JAG1: variants seen among roughly 807,000 people sequenced by gnomAD.
The protein encoded by JAG1 is protein jagged-1.
In JAG1, 23 loss-of-function variants were observed where a neutral mutation model predicts 148.7. The observed-to-expected ratio is 0.15, with a 90% CI of 0.11 to 0.22. The LOEUF (loss-of-function observed/expected upper bound fraction) is 0.22. Among genes scored for constraint, JAG1 ranks in the 10% least tolerant of loss-of-function variants. The pLI is 1.00. For missense variants in JAG1, 1,054 were observed against 1,611.2 expected, an observed-to-expected ratio of 0.65 and a Z score of 5.92; for synonymous variants, 572 against 598.3, an observed-to-expected ratio of 0.96 and a Z score of 0.64.
At chr20:10,667,329 G>A (rs1202794532) in intron 2 of JAG1, among the ~76,000 whole-genome samples, 1 of 152,222 alleles carries the variant, frequency 6.6e-6, no homozygotes, top group Admixed American at 6.5e-5. Flanking sequence ...CCTGAGCTCT[G>A]CTGACTCAAC....
rs768847875 is a variant in JAG1 at position 10,651,570 on chromosome 20, A to G, written c.1120+11T>C. On this transcript the variant is annotated intron_variant, in intron 8 of 25. Coordinates refer to ENST00000254958, the MANE Select transcript of JAG1 (RefSeq NM_000214.3). ...TCCTTAGAATGGACACAGGCTGAAA[A>G]TTGGACTTACTTGTAGAGCATGTGG... 7.5e-5 allele frequency: 119 copies of G among 1,579,216 alleles called. No homozygotes were observed. The highest frequency in any genetic ancestry group is 9.9e-5 in the Non-Finnish European group (114 of 1,148,510).
At chr20:10,650,509 G>A in intron 8 of JAG1, 149 bp from the exon 9 acceptor site, 1 of 664,520 alleles carries the variant, frequency 1.5e-6, no homozygotes, top group South Asian at 1.6e-5. Context: ...GTGGGACGGT[G>A]ACGATAAGGC....
intron 25 of JAG1, among the ~76,000 whole-genome samples, chr20:10,640,350 C>T (rs1029036182): frequency 1.3e-5 from 2 of 152,250 alleles, no homozygotes; most frequent in East Asian, 3.9e-4. Context: ...TGCCCAATCT[C>T]TCCCTTGGCT....
intron 3 of JAG1, among the ~76,000 whole-genome samples, chr20:10,660,709 G>A (rs1189996140): frequency 2.0e-5 from 3 of 152,162 alleles, no homozygotes; most frequent in East Asian, 1.9e-4. Flanking sequence ...GGAGGGGGTC[G>A]AGCATGTCTG....
chr20:10,658,373 C>T (rs1568800871), intron 4 of JAG1, 95 bp downstream of exon 4: 13 of 1,539,164 alleles, frequency 8.4e-6, no homozygotes, highest in Non-Finnish European at 1.2e-5. Context: ...TCCCACCCCA[C>T]CTGAGATAGC....
intron 2 of JAG1, among the ~76,000 whole-genome samples, chr20:10,668,857 A>G (rs1600194216): frequency 6.6e-6 from 1 of 152,270 alleles, no homozygotes; most frequent in Middle Eastern, 3.4e-3. Context: ...AACTCCCCCA[A>G]GAGCCTCCAC....
chr20:10,652,434 A>G, intron 6 of JAG1, 34 bp downstream of exon 6: 2 of 1,613,104 alleles, frequency 1.2e-6, no homozygotes, highest in South Asian at 2.2e-5. Context: ...CCACCCCCAG[A>G]TCCCACCCTG....
chr20:10,658,557 G>T lies in JAG1; in HGVS notation c.605C>A (p.Pro202His). The T allele has an allele frequency of 6.2e-7, 1 of 1,614,182 alleles. No homozygotes were observed. Among genetic ancestry groups the T allele is most frequent in the Non-Finnish European group, 8.5e-7 (1 of 1,180,030 alleles). Reference protein sequence around the residue: ...YGFGCNKFCRPRDDFFGHYAC... With the variant: ...YGFGCNKFCRHRDDFFGHYAC... ...ATAGTGTCCAAAGAAGTCATCTCTG[G>T]GGCGGCAGAACTTATTGCAGCCAAA... Residue 202 changes from proline (P) to histidine (H), a missense_variant, in exon 4 of 26, where the codon CCC (proline) becomes CAC (histidine). By Grantham distance (77) the Pro-to-His change is moderately conservative. Coordinates refer to ENST00000254958, the MANE Select transcript of JAG1 (RefSeq NM_000214.3).
intron 9 of JAG1, 167 bp from the exon 10 acceptor site, chr20:10,649,802 C>CT (rs887951613): frequency 2.9e-5 from 19 of 658,800 alleles, no homozygotes; most frequent in Admixed American, 9.1e-5. Context: ...TCTGATCCCT[C>CT]TCCCTAGCTA....
chr20:10,655,078 C>T (rs1169011570), intron 5 of JAG1, among the ~76,000 whole-genome samples: 1 of 152,206 alleles, frequency 6.6e-6, no homozygotes, highest in Non-Finnish European at 1.5e-5. Context: ...GCAGGAGAAG[C>T]CCCTCAGCCT....
rs1227237460 is a variant in JAG1, at chr20:10,645,860, C to T, written c.1999+111G>A. The T allele has an allele frequency of 8.3e-5, 67 of 807,806 alleles. No homozygotes were observed. Among genetic ancestry groups the T allele is most frequent in the South Asian group, 6.0e-4 (45 of 74,382 alleles). 50.0% of individuals were successfully genotyped at this position (807,806 alleles called of 1,614,324 possible). On this transcript the variant is annotated intron_variant, in intron 15 of 25. Transcript: ENST00000254958. This position sits in a 1 kb window ranked among gnomAD's most constrained non-coding sequence, Gnocchi z 6.1. Reference sequence around the variant, plus strand: ...TACTGTCCCAGTGCAGAAATCACTGCGGTCTTGCTTCCAGAGATTTCCAGT... The same window carrying T: ...TACTGTCCCAGTGCAGAAATCACTGTGGTCTTGCTTCCAGAGATTTCCAGT...
At chr20:10,648,913 G>A in intron 11 of JAG1, 148 bp downstream of exon 11, 1 of 882,876 alleles carries the variant, frequency 1.1e-6, no homozygotes, top group Admixed American at 2.0e-5. Context: ...CGAGGCTGGG[G>A]TAACATAAGC....
In JAG1 at chr20:10,647,320, CCA is replaced by C. The variant is rs3830831; in HGVS notation, c.1721-219_1721-218del. ...AAGAGTTTTAAAGCATTTTCTCCCT[CCA>C]CACAACCAGGAAAACCCACATGCTT... On this transcript the variant is annotated intron_variant, in intron 13 of 25. Transcript: ENST00000254958. 0.27 allele frequency: 162,288 copies of C among 598,458 alleles called. 23,032 individuals carry two copies. Among genetic ancestry groups the C allele is most frequent in the Admixed American group, 0.36 (13,954 of 38,326 alleles). 37.1% of individuals were successfully genotyped at this position (598,458 alleles called of 1,614,324 possible).
intron 4 of JAG1, among the ~76,000 whole-genome samples, chr20:10,657,553 C>T (rs1399238388): frequency 6.6e-6 from 1 of 152,140 alleles, no homozygotes; most frequent in Non-Finnish European, 1.5e-5. Context: ...CCATGACCCA[C>T]CCCTCTCTCA....
rs146416672 is a variant in JAG1, at chr20:10,673,988, G to C, written c.-458C>G. 1.3e-5 allele frequency: 2 copies of C among 152,314 alleles called. No individual in the cohort carries two copies. Among genetic ancestry groups the C allele is most frequent in the East Asian group, 2.0e-4 (1 of 5,128 alleles). The allele number at this position is 152,314 out of a possible 1,614,324, so 9.4% of individuals were successfully genotyped here. ...CGCCCGGCTCTCGGAGAAGGACCCG[G>C]AGAGCCCGTCTGGCAGCAGCGGCCG... On this transcript the variant is annotated 5_prime_UTR_variant, in exon 1 of 26. Coordinates refer to ENST00000254958, the MANE Select transcript of JAG1 (RefSeq NM_000214.3). The surrounding 1 kb of genome is among the most constrained non-coding windows in gnomAD (Gnocchi z 4.7).
At chr20:10,657,637 A>G (rs187894521) in intron 4 of JAG1, among the ~76,000 whole-genome samples, 11 of 152,352 alleles carry the variant, frequency 7.2e-5, no homozygotes, top group Admixed American at 6.5e-4. Flanking sequence ...TAAGCAGAGT[A>G]CATTATTGCT....
chr20:10,657,350 TAAAAA>T (rs34844219), intron 4 of JAG1, among the ~76,000 whole-genome samples: 1 of 141,212 alleles, frequency 7.1e-6, no homozygotes, highest in Non-Finnish European at 1.5e-5. Flanking sequence ...CACCTTATCT[TAAAAA>T]AAAAAAAAAA....
intron 5 of JAG1, among the ~76,000 whole-genome samples, chr20:10,655,644 CGTTA>C (rs1207280546): frequency 1.3e-5 from 2 of 152,104 alleles, no homozygotes; most frequent in Admixed American, 6.6e-5. Flanking sequence ...ATCCATTTAG[CGTTA>C]CTCCTTAAAA....
Position 10,651,574 on chromosome 20 carries a change from G to A in JAG1, c.1120+7C>T, listed in dbSNP as rs1216815872. ...TAGAATGGACACAGGCTGAAAATTG[G>A]ACTTACTTGTAGAGCATGTGGGGCC... On this transcript the variant is annotated splice_region_variant and intron_variant, in intron 8 of 25. Coordinates refer to ENST00000254958, the MANE Select transcript of JAG1 (RefSeq NM_000214.3). 1 of 1,588,746 alleles carries A rather than the reference G, an allele frequency of 6.3e-7. No homozygotes were observed. The highest frequency in any genetic ancestry group is 1.7e-5 in the Admixed American group (1 of 59,920).
Sources: allele counts gnomAD v4.1 joint callset (sites outside exome capture counted in the v4.1 genomes callset), GRCh38; gene constraint gnomAD v4.1.1; non-coding constraint Gnocchi (gnomAD v3.1); transcripts MANE v1.5; gene names NCBI Gene and HGNC (gene_info 2026-07-23, HGNC 2026-07-21).